Variants in ENC1 observed in about 807,000 individuals in gnomAD.
ENC1 encodes ectodermal-neural cortex 1, also known as ectoderm-neural cortex protein 1.
In ENC1, 19 loss-of-function variants were observed where a neutral mutation model predicts 40.9. The observed-to-expected ratio is 0.46, with a 90% CI of 0.32 to 0.68. The LOEUF (loss-of-function observed/expected upper bound fraction) is 0.68, where lower values mean the gene tolerates loss of function less well. Among genes scored for constraint, ENC1 ranks in the 30% least tolerant of loss-of-function variants. The pLI is 0.03. For synonymous variants in ENC1, 285 were observed against 291.1 expected (o/e 0.98, Z 0.21); for missense variants, 479 against 737.5 (o/e 0.65, Z 4.06).
Position 74,635,102 on chromosome 5 carries a change from C to T in ENC1, c.1384G>A (p.Val462Ile). 6.2e-7 allele frequency: 1 copy of T among 1,614,238 alleles called. No homozygotes were observed. The highest frequency in any genetic ancestry group is 8.5e-7 in the Non-Finnish European group (1 of 1,180,046). Reference protein sequence around the residue: ...TSVSHDKLPKVQCYDQCENRW... With the variant: ...TSVSHDKLPKIQCYDQCENRW... ...TTTTCACACTGATCGTAACACTGAACTTTGGGGAGCTTGTCATGACTGACA... is the reference window on the plus strand; with the variant it reads ...TTTTCACACTGATCGTAACACTGAATTTTGGGGAGCTTGTCATGACTGACA... Residue 462 changes from valine (V) to isoleucine (I), a missense_variant, in exon 2 of 3, where the codon GTT becomes ATT. Physicochemically the swap from Val to Ile is conservative, Grantham distance 29 (BLOSUM62 3). Coordinates refer to ENST00000302351, the MANE Select transcript of ENC1 (RefSeq NM_003633.4). This position sits in a 1 kb window ranked among gnomAD's most constrained non-coding sequence, Gnocchi z 5.5.
At chr5:74,634,379 T>G (rs1747498266) in intron 2 of ENC1, among the ~76,000 whole-genome samples, 1 of 152,044 alleles carries the variant, frequency 6.6e-6, no homozygotes, top group Non-Finnish European at 1.5e-5. Flanking sequence ...GCCACTGCAC[T>G]CTAGCCTGGG....
chr5:74,630,263 G>A (rs1191892150), intron 2 of ENC1, among the ~76,000 whole-genome samples: 1 of 152,158 alleles, frequency 6.6e-6, no homozygotes, highest in Non-Finnish European at 1.5e-5. Context: ...TCTAAAGAAG[G>A]ACCTTCACTT....
rs1580348769 is a variant in ENC1, at chr5:74,635,672, A to T, written c.814T>A (p.Cys272Ser). ...SKEIVEEAIRCKLKILQNDGV... is the reference protein window; with the variant it reads ...SKEIVEEAIRSKLKILQNDGV... ...TCATTCTGCAGGATTTTCAGTTTGC[A>T]CCTGATGGCCTCTTCCACAATTTCC... Residue 272 changes from cysteine (C) to serine (S), a missense_variant, in exon 2 of 3, where the codon TGC (cysteine) becomes AGC (serine). Cys to Ser is a moderately radical substitution (Grantham distance 112). Coordinates refer to ENST00000302351, the MANE Select transcript of ENC1 (RefSeq NM_003633.4). This position sits in a 1 kb window ranked among gnomAD's most constrained non-coding sequence, Gnocchi z 5.5. The T allele has an allele frequency of 6.2e-7, 1 of 1,614,078 alleles. No individual in the cohort carries two copies. Among genetic ancestry groups the T allele is most frequent in the African/African-American group, 1.3e-5 (1 of 75,010 alleles).
At position 74,629,225 on chromosome 5, in the gene ENC1, T is replaced by G. The variant is rs1053073708; in HGVS notation, c.*800A>C. On this transcript the variant is annotated 3_prime_UTR_variant, in exon 3 of 3. Transcript: ENST00000302351. ...ATGCTCCAAATTGTAACTCAAAAAT[T>G]TTCATGTTTGTGCAGCAAAGCACAT... The G allele has an allele frequency of 6.6e-6, 1 of 152,028 alleles. No homozygotes were observed. Among genetic ancestry groups the G allele is most frequent in the African/African-American group, 2.4e-5 (1 of 41,404 alleles). The allele number at this position is 152,028 out of a possible 1,614,324, so 9.4% of individuals were successfully genotyped here.
At position 74,629,596 on chromosome 5, in the gene ENC1, G is replaced by A. The variant is rs1401068401; in HGVS notation, c.*429C>T. On this transcript the variant is annotated 3_prime_UTR_variant, in exon 3 of 3. Transcript: ENST00000302351. Reference sequence around the variant, plus strand: ...AATCTCCAGCAGCAGCTGGTGTGGAGGCTTCAAGCTCTGTCCTCAGAGAGA... The same window carrying A: ...AATCTCCAGCAGCAGCTGGTGTGGAAGCTTCAAGCTCTGTCCTCAGAGAGA... The A allele has an allele frequency of 6.6e-6, 1 of 152,228 alleles. No individual in the cohort carries two copies. The highest frequency in any genetic ancestry group is 1.5e-5 in the Non-Finnish European group (1 of 68,068). The allele number at this position is 152,228 out of a possible 1,614,324, so 9.4% of individuals were successfully genotyped here. A position where few individuals can be genotyped will look rare whatever the true frequency, so the allele number is the denominator to read the frequency against.
Position 74,635,181 on chromosome 5 carries a change from G to A in ENC1, c.1305C>T (p.Ser435=), listed in dbSNP as rs770103291. ...TMVAPLREGV[S]NAAVVSAKLK... Reference sequence around the variant, plus strand: ...GTTTGGCACTCACTACTGCGGCGTTGCTAACGCCTTCTCGGAGTGGGGCCA... The same window carrying A: ...GTTTGGCACTCACTACTGCGGCGTTACTAACGCCTTCTCGGAGTGGGGCCA... The change falls in exon 2 of 3, where the codon AGC becomes AGT. Residue 435 remains serine, a synonymous_variant. Transcript: ENST00000302351. This position sits in a 1 kb window ranked among gnomAD's most constrained non-coding sequence, Gnocchi z 5.5. The A allele has an allele frequency of 9.9e-6, 16 of 1,614,022 alleles. No individual in the cohort carries two copies. In the East Asian group the frequency reaches 3.3e-4, roughly 34 times the overall value.
At chr5:74,633,376 T>G (rs1051653389) in intron 2 of ENC1, among the ~76,000 whole-genome samples, 1 of 152,196 alleles carries the variant, frequency 6.6e-6, no homozygotes, top group African/African-American at 2.4e-5. Context: ...TTGTTAGCCT[T>G]GACAATAGGG....
rs752366801 is a variant in ENC1, at chr5:74,636,336, G to C, written c.150C>G (p.Leu50=). 1.9e-5 allele frequency: 30 copies of C among 1,614,052 alleles called. No homozygotes were observed. The African/African-American group carries it at 3.7e-4, about 20-fold the overall frequency. Residue 50 remains leucine (L), a synonymous_variant, in exon 2 of 3, where the codon CTC becomes CTG. Transcript: ENST00000302351. This position sits in a 1 kb window ranked among gnomAD's most constrained non-coding sequence, Gnocchi z 4.8. ...RQQRLFTDVL[L]HAGNRTFPCH... ...AAGGGAAGGTCCTATTTCCGGCATGGAGAAGGACGTCAGTGAAGAGACGCT... is the reference window on the plus strand; with the variant it reads ...AAGGGAAGGTCCTATTTCCGGCATGCAGAAGGACGTCAGTGAAGAGACGCT...
In ENC1 at chr5:74,635,827, T is replaced by C. The variant is rs758578453; in HGVS notation, c.659A>G (p.Tyr220Cys). 6 of 1,614,076 alleles carry C rather than the reference T, an allele frequency of 3.7e-6. No homozygotes were observed. The highest frequency in any genetic ancestry group is 5.1e-6 in the Non-Finnish European group (6 of 1,180,040). The change falls in exon 2 of 3, where the codon TAT becomes TGT. Residue 220 changes from tyrosine (Y) to cysteine (C), a missense_variant. Transcript: ENST00000302351. The surrounding 1 kb of genome is among the most constrained non-coding windows in gnomAD (Gnocchi z 5.5). ...GTAGCAATAGCGCTTCTTCAGGTCA[T>C]AGCTGATCCAGTTAATTGCAGACTC... Reference protein sequence around the residue: ...VYESAINWISYDLKKRYCYLP... With the variant: ...VYESAINWISCDLKKRYCYLP...
chr5:74,635,267 G>T lies in ENC1; in HGVS notation c.1219C>A (p.Pro407Thr). 1 of 1,614,170 alleles carries T rather than the reference G, an allele frequency of 6.2e-7. No individual in the cohort carries two copies. The highest frequency in any genetic ancestry group is 8.5e-7 in the Non-Finnish European group (1 of 1,180,028). Residue 407 changes from proline to threonine, a missense_variant, in exon 2 of 3, where the codon CCC becomes ACC. By Grantham distance (38) the Pro-to-Thr change is conservative. Coordinates refer to ENST00000302351, the MANE Select transcript of ENC1 (RefSeq NM_003633.4). This position sits in a 1 kb window ranked among gnomAD's most constrained non-coding sequence, Gnocchi z 5.5. ...TAATGCLPAS[P>T]SVSLKQVEHY... The stretch of plus-strand genomic sequence containing the variant: ...TCTACCTGCTTTAGAGAGACTGAGG[G>T]GGAGGCCGGGAGGCAGCCAGTTGCG...
At chr5:74,632,980 C>T (rs1747444630) in intron 2 of ENC1, among the ~76,000 whole-genome samples, 1 of 152,214 alleles carries the variant, frequency 6.6e-6, no homozygotes, top group African/African-American at 2.4e-5. Flanking sequence ...TAGCTTGCCA[C>T]TAGGCCTAGA....
At chr5:74,631,403 G>A (rs1205609621) in intron 2 of ENC1, among the ~76,000 whole-genome samples, 9 of 152,158 alleles carry the variant, frequency 5.9e-5, no homozygotes, top group Admixed American at 2.6e-4. Context: ...TATTAATTCC[G>A]TTAGCACCTA....
intron 2 of ENC1, among the ~76,000 whole-genome samples, chr5:74,631,727 G>A (rs927934553): frequency 1.3e-5 from 2 of 152,170 alleles, no homozygotes; most frequent in African/African-American, 2.4e-5. Context: ...GTTTCCCAGC[G>A]ACCGGAAGGG....
chr5:74,633,734 C>G (rs1229380253), intron 2 of ENC1, among the ~76,000 whole-genome samples: 2 of 152,218 alleles, frequency 1.3e-5, no homozygotes, highest in Non-Finnish European at 2.9e-5. Context: ...GGTGGCAGTG[C>G]AACACGATGC....
chr5:74,630,520 T>C (rs1370432910), intron 2 of ENC1, among the ~76,000 whole-genome samples: 1 of 152,192 alleles, frequency 6.6e-6, no homozygotes, highest in Non-Finnish European at 1.5e-5. Flanking sequence ...CTTATTTAAA[T>C]GCATCTCTGT....
chr5:74,638,964 C>T (rs948931372), intron 1 of ENC1, among the ~76,000 whole-genome samples: 3 of 152,144 alleles, frequency 2.0e-5, no homozygotes, highest in Admixed American at 2.0e-4. Context: ...CAGACTTACA[C>T]CTAAGAAAAC....
chr5:74,632,114 T>C (rs1409769364), intron 2 of ENC1: 2 of 152,226 alleles, frequency 1.3e-5, no homozygotes, highest in Non-Finnish European at 2.9e-5. Flanking sequence ...CTCTCCTCTT[T>C]CTGCCTCAAT....
Position 74,634,670 on chromosome 5 carries a change from G to A in ENC1, c.*32+14C>T. 7.6e-7 allele frequency: 1 copy of A among 1,308,478 alleles called. No individual in the cohort carries two copies. Among genetic ancestry groups the A allele is most frequent in the East Asian group, 2.3e-5 (1 of 42,648 alleles). 81.1% of individuals were successfully genotyped at this position (1,308,478 alleles called of 1,614,324 possible). A position where few individuals can be genotyped will look rare whatever the true frequency, so the allele number is the denominator to read the frequency against. On this transcript the variant is annotated intron_variant, in intron 2 of 2. Transcript: ENST00000302351. The stretch of plus-strand genomic sequence containing the variant: ...AATTATATGCATACTTACATCTATA[G>A]CTAAACTTCTTACCTCATGCTCACT...
Position 74,634,840 on chromosome 5 carries a change from A to C in ENC1, c.1646T>G (p.Ile549Ser). The C allele has an allele frequency of 6.2e-7, 1 of 1,614,186 alleles. No homozygotes were observed. The highest frequency in any genetic ancestry group is 8.5e-7 in the Non-Finnish European group (1 of 1,180,010). ...KLYVVGGYFG[I>S]QRCKTLDCYD... is the part of the protein sequence containing the mutation. ...GCAGTCCAAAGTCTTGCATCGCTGA[A>C]TGCCAAAGTATCCTCCAACCACGTA... is the stretch of plus-strand genomic sequence containing the variant. The change falls in exon 2 of 3, where the codon ATT (isoleucine) becomes AGT (serine). Residue 549 changes from isoleucine (I) to serine (S), a missense_variant. Physicochemically the swap from Ile to Ser is moderately radical, Grantham distance 142. Transcript: ENST00000302351.
Sources: gnomAD v4.1 joint callset for allele counts (sites outside exome capture counted in the v4.1 genomes callset) on GRCh38, gnomAD v4.1.1 for gene constraint, Gnocchi (gnomAD v3.1) non-coding constraint, MANE v1.5 for transcripts, NCBI Gene and HGNC (gene_info 2026-07-23, HGNC 2026-07-21) for gene names.